CAMSAP1: variants seen among roughly 807,000 people sequenced by gnomAD.
CAMSAP1 encodes calmodulin regulated spectrin associated protein 1.
CAMSAP1 carries 58 observed loss-of-function variants against 143.5 expected under a neutral mutation model. The observed-to-expected ratio is 0.40, with a 90% CI of 0.33 to 0.50. The LOEUF is 0.50. Ranked by LOEUF, CAMSAP1 falls within the 20% of genes least tolerant of loss-of-function variation. The pLI is 0.45. For missense variants in CAMSAP1, 1,969 were observed against 2,115.7 expected (o/e 0.93, Z 1.36); for synonymous variants, 945 against 859.3 (o/e 1.10, Z -1.74).
At chr9:135,843,873 C>CAAA (rs150201026) in intron 7 of CAMSAP1, among the ~76,000 whole-genome samples, 367 of 61,816 alleles carry the variant, frequency 5.9e-3, no homozygotes, top group Non-Finnish European at 7.5e-3. Flanking sequence ...GACTCCGTCT[C>CAAA]AAAAAAAAAA....
rs1183647782 is a variant in CAMSAP1, at chr9:135,824,150, C to T, written c.1316-116G>A. ...TCTCAAGTCAGTACACCAGAAGGGC[C>T]GCATGGAAAGCAGAGAGGCAAAACC... On this transcript the variant is annotated intron_variant, in intron 9 of 16. Transcript: ENST00000389532. The surrounding 1 kb of genome is among the most constrained non-coding windows in gnomAD (Gnocchi z 4.1). 4.7e-6 allele frequency: 4 copies of T among 851,352 alleles called. No individual in the cohort carries two copies. In the South Asian group the frequency reaches 5.9e-5, roughly 13 times the overall value. The allele number at this position is 851,352 out of a possible 1,614,324, so 52.7% of individuals were successfully genotyped here. A position where few individuals can be genotyped will look rare whatever the true frequency, so the allele number is the denominator to read the frequency against.
chr9:135,819,241 TAA>T, intron 11 of CAMSAP1, 95 bp from the exon 12 acceptor site: 6 of 1,434,602 alleles, frequency 4.2e-6, no homozygotes, highest in Non-Finnish European at 4.6e-6. Flanking sequence ...ACTACGCTTT[TAA>T]AAGTTTAACG....
Position 135,881,663 on chromosome 9 carries a change from G to A in CAMSAP1, c.555C>T (p.Leu185=), listed in dbSNP as rs759028902. Residue 185 remains leucine, a synonymous_variant, in exon 3 of 17, where the codon CTC becomes CTT. Transcript: ENST00000389532. ...FSASKELPYD[L]EDAMVFWINK... ...TGATCCAGAACACCATGGCATCCTCGAGGTCGTACGGAAGTTCTTTCGAGG... is the reference window on the plus strand; with the variant it reads ...TGATCCAGAACACCATGGCATCCTCAAGGTCGTACGGAAGTTCTTTCGAGG... 48 of 1,551,586 alleles carry A rather than the reference G, an allele frequency of 3.1e-5. No homozygotes were observed. The highest frequency in any genetic ancestry group is 1.7e-4 in the Middle Eastern group (1 of 6,014).
At chr9:135,825,760 T>G (rs1442367529) in intron 8 of CAMSAP1, among the ~76,000 whole-genome samples, 2 of 149,112 alleles carry the variant, frequency 1.3e-5, no homozygotes, top group African/African-American at 2.4e-5. Flanking sequence ...GCAGACAGGC[T>G]GGGGAGATCA....
intron 1 of CAMSAP1, among the ~76,000 whole-genome samples, chr9:135,904,764 C>T (rs1239459309): frequency 6.6e-6 from 1 of 151,728 alleles, no homozygotes; most frequent in Non-Finnish European, 1.5e-5. Context: ...GTCAGGAGTT[C>T]GAGACCAGCC....
rs1838820062 is a variant in CAMSAP1, at chr9:135,907,401, G to A, written c.-242C>T. Among the ~76,000 whole-genome samples, 1 of 146,172 alleles carries A rather than the reference G, an allele frequency of 6.8e-6. No individual in the cohort carries two copies. The highest frequency in any genetic ancestry group is 1.5e-5 in the Non-Finnish European group (1 of 65,788). ...TGCCGAGCCCGCGGCCCAAAGAGGC[G>A]GCGGCAGGAGGGCGCGGGCCGGGGG... On this transcript the variant is annotated 5_prime_UTR_variant, in exon 1 of 17. Coordinates refer to ENST00000389532, the MANE Select transcript of CAMSAP1 (RefSeq NM_015447.4).
chr9:135,900,074 G>C (rs927774622), intron 1 of CAMSAP1, among the ~76,000 whole-genome samples: 6 of 152,112 alleles, frequency 3.9e-5, no homozygotes, highest in Admixed American at 2.0e-4. Context: ...TACCCAAGCC[G>C]AAGTGCAGTG....
In CAMSAP1 at chr9:135,824,850, G is replaced by C; in HGVS notation, c.1254C>G (p.Ser418=). Residue 418 remains serine (S), a synonymous_variant, in exon 9 of 17, where the codon TCC becomes TCG. Coordinates refer to ENST00000389532, the MANE Select transcript of CAMSAP1 (RefSeq NM_015447.4). The surrounding 1 kb of genome is among the most constrained non-coding windows in gnomAD (Gnocchi z 4.1). ...LGKGTAAFSP[S]HPLLPLRQKQ... ...TCTGTCTCAGTGGCAATAAAGGATG[G>C]GATGGGCTGAAGGCAGCAGTTCCTT... 1 of 1,603,026 alleles carries C rather than the reference G, an allele frequency of 6.2e-7. No individual in the cohort carries two copies. The highest frequency in any genetic ancestry group is 8.5e-7 in the Non-Finnish European group (1 of 1,174,782).
chr9:135,843,791 G>C (rs764341141), intron 7 of CAMSAP1, among the ~76,000 whole-genome samples: 1 of 150,530 alleles, frequency 6.6e-6, no homozygotes, highest in East Asian at 1.9e-4. Context: ...GGACAATGGC[G>C]TGAACCTGGG....
rs1188282783 is a variant in CAMSAP1, at chr9:135,818,024, C to G, written c.4224G>C (p.Ala1408=). The G allele has an allele frequency of 1.9e-6, 3 of 1,613,960 alleles. No individual in the cohort carries two copies. In the East Asian group the frequency reaches 6.7e-5, roughly 36 times the overall value. ...AATGAACGCTCTCGGGTTCTGTCGT[C>G]GCCGCAGAGGCCAAGGACAGGCTGG... The part of the protein sequence containing the change: ...SGSSLSLASA[A]TTEPESVHSG... Residue 1408 remains alanine, a synonymous_variant, in exon 14 of 17, where the codon GCG becomes GCC. Transcript: ENST00000389532. The surrounding 1 kb of genome is among the most constrained non-coding windows in gnomAD (Gnocchi z 7.7).
At chr9:135,854,911 T>TC (rs1836900489) in intron 5 of CAMSAP1, among the ~76,000 whole-genome samples, 2 of 152,216 alleles carry the variant, frequency 1.3e-5, no homozygotes, top group South Asian at 4.2e-4. Context: ...TCTGCTCCTC[T>TC]CCCTCCTCCC....
chr9:135,850,586 G>A (rs1010973431), intron 5 of CAMSAP1, 125 bp from the exon 6 acceptor site: 23 of 742,412 alleles, frequency 3.1e-5, no homozygotes, highest in Non-Finnish European at 4.4e-5. Flanking sequence ...ATTGAGAGAT[G>A]TAGGGAGTAT....
At position 135,819,105 on chromosome 9, in the gene CAMSAP1, C is replaced by A. The variant is rs1304682259; in HGVS notation, c.3864G>T (p.Ala1288=). 6.2e-7 allele frequency: 1 copy of A among 1,602,020 alleles called. No homozygotes were observed. The highest frequency in any genetic ancestry group is 8.5e-7 in the Non-Finnish European group (1 of 1,175,674). The change falls in exon 12 of 17, where the codon GCG becomes GCT. Residue 1288 remains alanine (A), a synonymous_variant. Transcript: ENST00000389532. The stretch of plus-strand genomic sequence containing the variant: ...TGCGCTGCTGCTTCAGGAGGAAGGC[C>A]GCCCGCTTCTTGGCGAGCTCATCTT... ...KAEDELAKKR[A]AFLLKQQRKA...
chr9:135,852,745 G>GCA (rs898692143), intron 5 of CAMSAP1, among the ~76,000 whole-genome samples: 1 of 152,136 alleles, frequency 6.6e-6, no homozygotes, highest in African/African-American at 2.4e-5. Context: ...TATTTGTAGG[G>GCA]CACATACCCT....
In CAMSAP1 at chr9:135,850,390, T is replaced by C; in HGVS notation, c.880A>G (p.Asn294Asp). ...YNIRLLREFS[N>D]EYLNKCFYLT... is the part of the protein sequence containing the mutation. ...TAAAAACATTTATTAAGATATTCATTGGAGAATTCTCTCAGAAGCCGAATA... is the reference window on the plus strand; with the variant it reads ...TAAAAACATTTATTAAGATATTCATCGGAGAATTCTCTCAGAAGCCGAATA... The change falls in exon 6 of 17, where the codon AAT becomes GAT. Residue 294 changes from asparagine (N) to aspartate (D), a missense_variant. Asn to Asp is a conservative substitution (Grantham distance 23). Coordinates refer to ENST00000389532, the MANE Select transcript of CAMSAP1 (RefSeq NM_015447.4). 2 of 1,612,096 alleles carry C rather than the reference T, an allele frequency of 1.2e-6. No homozygotes were observed. Among genetic ancestry groups the C allele is most frequent in the Non-Finnish European group, 8.5e-7 (1 of 1,179,338 alleles).
intron 7 of CAMSAP1, among the ~76,000 whole-genome samples, chr9:135,847,861 G>A: frequency 4.6e-4 from 1 of 2,166 alleles, no homozygotes; most frequent in Non-Finnish European, 9.1e-4. Flanking sequence ...GGAGTGGGGG[G>A]AGGGGGCAGG....
intron 5 of CAMSAP1, among the ~76,000 whole-genome samples, chr9:135,861,309 C>CT (rs35820753): frequency 1.1e-3 from 154 of 144,448 alleles, no homozygotes; most frequent in Middle Eastern, 7.2e-3. Flanking sequence ...CTCCTTCTTC[C>CT]TTTTTTTTTT....
In CAMSAP1 at chr9:135,818,395, C is replaced by T. The variant is rs1020755510; in HGVS notation, c.4168+13G>A. 10 of 1,560,262 alleles carry T rather than the reference C, an allele frequency of 6.4e-6. No individual in the cohort carries two copies. The South Asian group carries it at 7.0e-5, about 11-fold the overall frequency. On this transcript the variant is annotated intron_variant, in intron 13 of 16. Transcript: ENST00000389532. This position sits in a 1 kb window ranked among gnomAD's most constrained non-coding sequence, Gnocchi z 7.7. The stretch of plus-strand genomic sequence containing the variant: ...AAGGAAGCGCTGCCCGCGTGAGGGC[C>T]GGGGCTGCTTACGGGTGGAGGAGCA...
At chr9:135,812,306 G>A (rs780167294) in intron 16 of CAMSAP1, among the ~76,000 whole-genome samples, 9 of 152,118 alleles carry the variant, frequency 5.9e-5, no homozygotes, top group African/African-American at 1.2e-4. Flanking sequence ...GCATGGGGTC[G>A]GAGCATGCAA....
Sources: allele counts gnomAD v4.1 joint callset (sites outside exome capture counted in the v4.1 genomes callset), GRCh38; gene constraint gnomAD v4.1.1; non-coding constraint Gnocchi (gnomAD v3.1); transcripts MANE v1.5; gene names NCBI Gene and HGNC (gene_info 2026-07-23, HGNC 2026-07-21).